Variants in BICC1 observed in about 807,000 individuals in gnomAD.
The protein encoded by BICC1 is BicC family RNA binding protein 1.
BICC1 carries 43 observed loss-of-function variants against 111.0 expected under a neutral mutation model. The ratio of observed to expected loss-of-function variants is 0.39; its 90% CI spans 0.30 to 0.50. The LOEUF is 0.50. Ranked by LOEUF, BICC1 falls within the 20% of genes least tolerant of loss-of-function variation. BICC1 has a pLI of 0.88. For missense variants in BICC1, 1,091 were observed against 1,203.2 expected (o/e 0.91, Z 1.38); for synonymous variants, 467 against 434.4 (o/e 1.07, Z -0.93).
intron 1 of BICC1, 125 bp downstream of exon 1, chr10:58,513,458 T>G: frequency 1.1e-6 from 1 of 919,144 alleles, no homozygotes; most frequent in Non-Finnish European, 1.6e-6. Flanking sequence ...CCAGGCCCGC[T>G]CCCCCGCGGA....
chr10:58,771,345 C>G (rs1341057147), intron 3 of BICC1, among the ~76,000 whole-genome samples: 1 of 152,142 alleles, frequency 6.6e-6, no homozygotes. Context: ...AGATAGTTAT[C>G]TAATGCTTGT....
intron 1 of BICC1, among the ~76,000 whole-genome samples, chr10:58,538,006 G>T (rs1842865720): frequency 6.6e-6 from 1 of 151,882 alleles, no homozygotes; most frequent in Admixed American, 6.6e-5. Flanking sequence ...TTATGCTCAT[G>T]GATTGGAAGA....
chr10:58,793,659 AT>A, intron 9 of BICC1, 44 bp downstream of exon 9: 1 of 1,596,874 alleles, frequency 6.3e-7, no homozygotes, highest in Non-Finnish European at 8.6e-7. Context: ...ATCATATCAT[AT>A]GCTGTATAGT....
chr10:58,694,302 G>C (rs553377075), intron 2 of BICC1, among the ~76,000 whole-genome samples: 6 of 152,134 alleles, frequency 3.9e-5, no homozygotes, highest in African/African-American at 1.2e-4. Context: ...GACTACTTGC[G>C]TTGCCATCTG....
chr10:58,614,352 AC>A (rs1436773459), intron 1 of BICC1, among the ~76,000 whole-genome samples: 4 of 152,122 alleles, frequency 2.6e-5, no homozygotes, highest in Non-Finnish European at 5.9e-5. Context: ...CTAACCAACA[AC>A]TCATCAGCAT....
At chr10:58,576,416 CT>C (rs148385883) in intron 1 of BICC1, among the ~76,000 whole-genome samples, 6,589 of 152,208 alleles carry the variant, frequency 0.043, 444 homozygotes, top group African/African-American at 0.15. Context: ...TCTAAATACT[CT>C]TTAATTTCTG....
intron 1 of BICC1, among the ~76,000 whole-genome samples, chr10:58,572,085 C>A (rs1843971490): frequency 6.6e-6 from 1 of 152,058 alleles, no homozygotes; most frequent in African/African-American, 2.4e-5. Flanking sequence ...CTCTAATGAT[C>A]AGTGATGTTG....
At chr10:58,789,119 T>G in intron 6 of BICC1, 143 bp from the exon 7 acceptor site, 1 of 651,976 alleles carries the variant, frequency 1.5e-6, no homozygotes, top group Middle Eastern at 4.1e-4. Context: ...AAAAAAACTT[T>G]ATATAATGTA....
intron 20 of BICC1, among the ~76,000 whole-genome samples, chr10:58,825,844 A>G (rs1031824869): frequency 6.6e-6 from 1 of 152,188 alleles, no homozygotes; most frequent in African/African-American, 2.4e-5. Flanking sequence ...CGTAGGACCC[A>G]CATAAAGTGC....
At chr10:58,684,312 CA>C (rs1202855113) in intron 2 of BICC1, among the ~76,000 whole-genome samples, 1 of 152,146 alleles carries the variant, frequency 6.6e-6, no homozygotes, top group Non-Finnish European at 1.5e-5. Flanking sequence ...TCGATGTCAT[CA>C]GGGATATTGG....
intron 18 of BICC1, 28 bp downstream of exon 18, chr10:58,814,014 T>C: frequency 6.2e-7 from 1 of 1,612,766 alleles, no homozygotes; most frequent in Non-Finnish European, 8.5e-7. Context: ...TGCACACTTT[T>C]AGGTATCCCC....
At chr10:58,568,012 C>A (rs1307209053) in intron 1 of BICC1, among the ~76,000 whole-genome samples, 1 of 152,106 alleles carries the variant, frequency 6.6e-6, no homozygotes, top group Non-Finnish European at 1.5e-5. Flanking sequence ...CAGTTAAAAT[C>A]TTCTCTCCTG....
At chr10:58,814,320 G>A in intron 18 of BICC1, 1 of 587,732 alleles carries the variant, frequency 1.7e-6, no homozygotes, top group Non-Finnish European at 3.0e-6. Context: ...GTGTCCATGT[G>A]TCAAGTATTC....
intron 2 of BICC1, among the ~76,000 whole-genome samples, chr10:58,676,603 G>T (rs192796268): frequency 1.3e-5 from 2 of 152,188 alleles, no homozygotes. Flanking sequence ...GGGGAAAGGG[G>T]TGGCTGTGGG....
chr10:58,676,684 G>A (rs1422482687), intron 2 of BICC1, among the ~76,000 whole-genome samples: 6 of 152,298 alleles, frequency 3.9e-5, no homozygotes, highest in Non-Finnish European at 5.9e-5. Context: ...CCAGCACAGC[G>A]TTCAAGCTCT....
chr10:58,783,695 C>T (rs1296018530), intron 3 of BICC1, among the ~76,000 whole-genome samples: 2 of 152,156 alleles, frequency 1.3e-5, no homozygotes, highest in Non-Finnish European at 2.9e-5. Context: ...ATATAAAAGA[C>T]TTAGCCAGTA....
intron 1 of BICC1, among the ~76,000 whole-genome samples, chr10:58,522,687 A>G (rs1589058756): frequency 1.3e-5 from 2 of 152,208 alleles, no homozygotes; most frequent in Admixed American, 6.5e-5. Flanking sequence ...AGCAGAAGGC[A>G]AGAAATAGCT....
intron 3 of BICC1, among the ~76,000 whole-genome samples, chr10:58,765,380 G>A (rs1842429297): frequency 6.6e-6 from 1 of 152,112 alleles, no homozygotes; most frequent in Non-Finnish European, 1.5e-5. Context: ...TTTTAAATGT[G>A]TGCAAAGTGG....
At chr10:58,541,799 T>C (rs1357877069) in intron 1 of BICC1, among the ~76,000 whole-genome samples, 1 of 151,968 alleles carries the variant, frequency 6.6e-6, no homozygotes, top group Non-Finnish European at 1.5e-5. Flanking sequence ...TGTCCTGACT[T>C]AAAAACATAT....
Sources: allele counts gnomAD v4.1 joint callset (sites outside exome capture counted in the v4.1 genomes callset), GRCh38; gene constraint gnomAD v4.1.1; transcripts MANE v1.5; gene names NCBI Gene and HGNC (gene_info 2026-07-23, HGNC 2026-07-21).